The following SORCS2 variants were observed in gnomAD, a reference collection of about 807,000 sequenced individuals.
SORCS2 encodes VPS10 domain-containing receptor SorCS2.
A neutral mutation model predicts 141.6 loss-of-function variants in SORCS2; 100 were observed. The observed-to-expected ratio is 0.71, with a 90% CI of 0.60 to 0.83. The LOEUF (loss-of-function observed/expected upper bound fraction) is 0.83. SORCS2 is among the 40% of genes least tolerant of loss of function. The pLI is 0.00. For synonymous variants in SORCS2, 789 were observed against 676.9 expected, an observed-to-expected ratio of 1.17 and a Z score of -2.57; for missense variants, 1,646 against 1,560.2, an observed-to-expected ratio of 1.05 and a Z score of -0.93.
intron 2 of SORCS2, among the ~76,000 whole-genome samples, chr4:7,509,132 G>A (rs773824118): frequency 2.0e-5 from 3 of 152,216 alleles, no homozygotes; most frequent in Non-Finnish European, 2.9e-5. Context: ...TCAGTTACAC[G>A]TGGCGGAAGA....
intron 2 of SORCS2, among the ~76,000 whole-genome samples, chr4:7,472,639 A>T (rs28589370): frequency 0.019 from 2,850 of 152,234 alleles, 85 homozygotes; most frequent in African/African-American, 0.066. Context: ...CGCTTCTGGG[A>T]AGGACACGGG....
chr4:7,421,712 C>T (rs901276345), intron 2 of SORCS2, among the ~76,000 whole-genome samples: 1 of 152,162 alleles, frequency 6.6e-6, no homozygotes, highest in African/African-American at 2.4e-5. Context: ...GCCCTGGGGT[C>T]TGGAGCCCCC....
intron 1 of SORCS2, among the ~76,000 whole-genome samples, chr4:7,370,092 G>A (rs1008954209): frequency 2.6e-5 from 4 of 152,194 alleles, no homozygotes; most frequent in Non-Finnish European, 4.4e-5. Context: ...AGCTGTTTGC[G>A]GCTCTGCTCC....
At chr4:7,275,668 G>T (rs1296471137) in intron 1 of SORCS2, among the ~76,000 whole-genome samples, 1 of 152,084 alleles carries the variant, frequency 6.6e-6, no homozygotes, top group Non-Finnish European at 1.5e-5. Flanking sequence ...GTGATTTTAT[G>T]CTTCTGTTGT....
intron 1 of SORCS2, among the ~76,000 whole-genome samples, chr4:7,274,918 C>T (rs1313259162): frequency 6.6e-6 from 1 of 152,138 alleles, no homozygotes; most frequent in Admixed American, 6.5e-5. Flanking sequence ...GCTGCAGCGC[C>T]CATGTCTCCA....
At chr4:7,620,086 T>C (rs1208901965) in intron 3 of SORCS2, among the ~76,000 whole-genome samples, 5 of 151,742 alleles carry the variant, frequency 3.3e-5, no homozygotes, top group Non-Finnish European at 7.4e-5. Flanking sequence ...TCTTCCTCCT[T>C]CATCTGCTGG....
chr4:7,539,679 G>GACCCCCGTTATGGAGGCCCCT (rs1712413232), intron 3 of SORCS2, among the ~76,000 whole-genome samples: 1 of 150,912 alleles, frequency 6.6e-6, no homozygotes, highest in Non-Finnish European at 1.5e-5. Flanking sequence ...GCAAGGCCCC[G>GACCCCCGTTATGGAGGCCCCT]ACCCCCGTTA....
intron 2 of SORCS2, among the ~76,000 whole-genome samples, chr4:7,514,138 G>C (rs1012853685): frequency 6.6e-6 from 1 of 152,158 alleles, no homozygotes; most frequent in African/African-American, 2.4e-5. Context: ...TTGGAAGCTG[G>C]AGCCGACAGC....
chr4:7,340,291 C>G (rs375190501), intron 1 of SORCS2, among the ~76,000 whole-genome samples: 10 of 152,360 alleles, frequency 6.6e-5, no homozygotes, highest in African/African-American at 2.4e-4. Flanking sequence ...TGTGGCCATG[C>G]CATTGCACAC....
intron 2 of SORCS2, among the ~76,000 whole-genome samples, chr4:7,524,995 C>G (rs910092045): frequency 6.6e-6 from 1 of 152,234 alleles, no homozygotes; most frequent in African/African-American, 2.4e-5. Flanking sequence ...AGAGCGGGAG[C>G]TTAACTCGGG....
intron 13 of SORCS2, among the ~76,000 whole-genome samples, chr4:7,703,969 C>A (rs1435365991): frequency 6.6e-6 from 1 of 152,236 alleles, no homozygotes; most frequent in Non-Finnish European, 1.5e-5. Context: ...CCAGAAAACA[C>A]CCCCAGGGCA....
intron 4 of SORCS2, 35 bp downstream of exon 4, chr4:7,638,527 G>A: frequency 6.3e-7 from 1 of 1,586,134 alleles, no homozygotes; most frequent in Non-Finnish European, 8.5e-7. Flanking sequence ...CTGGTCTGTG[G>A]GGCTGGGGTC....
chr4:7,301,845 A>T (rs1532665), intron 1 of SORCS2, among the ~76,000 whole-genome samples: 125,067 of 152,264 alleles, frequency 0.82, 52,461 homozygotes, highest in Non-Finnish European at 0.9. Flanking sequence ...GGTTAACACT[A>T]AGGTTCCGTT....
intron 2 of SORCS2, among the ~76,000 whole-genome samples, chr4:7,453,492 G>C (rs1329625823): frequency 7.0e-6 from 1 of 143,386 alleles, no homozygotes; most frequent in East Asian, 2.2e-4. Context: ...CTTGGGGTCA[G>C]GCTCCATGTT....
At chr4:7,676,441 G>A (rs1723117829) in intron 9 of SORCS2, among the ~76,000 whole-genome samples, 1 of 152,170 alleles carries the variant, frequency 6.6e-6, no homozygotes, top group Non-Finnish European at 1.5e-5. Context: ...TTTCCTTCTT[G>A]AGGAAATTCG....
intron 1 of SORCS2, among the ~76,000 whole-genome samples, chr4:7,316,488 G>T (rs145416230): frequency 2.2e-3 from 331 of 152,298 alleles, no homozygotes; most frequent in African/African-American, 7.6e-3. Context: ...TAAGGACTCA[G>T]CATGGTACCC....
At chr4:7,240,275 A>G (rs1712603216) in intron 1 of SORCS2, among the ~76,000 whole-genome samples, 1 of 152,232 alleles carries the variant, frequency 6.6e-6, no homozygotes, top group African/African-American at 2.4e-5. Context: ...CTCCTCCGGA[A>G]GAAGAGAGAA....
rs1277139008 is a variant in SORCS2, at chr4:7,608,778, A to C, written c.649-29550A>C. Among the ~76,000 whole-genome samples, 4 of 147,620 alleles carry C rather than the reference A, an allele frequency of 2.7e-5. No individual in the cohort carries two copies. In the Admixed American group the frequency reaches 2.7e-4, roughly 10 times the overall value. Reference sequence around the variant, plus strand: ...GACATCACATCAACTTGGCTTGCACACCTTCTGTTGTCTGTGGCTCAGCAT... The same window carrying C: ...GACATCACATCAACTTGGCTTGCACCCCTTCTGTTGTCTGTGGCTCAGCAT... On this transcript the variant is annotated intron_variant, in intron 3 of 26. Transcript: ENST00000507866.
intron 1 of SORCS2, among the ~76,000 whole-genome samples, chr4:7,299,522 G>A (rs1717296780): frequency 6.6e-6 from 1 of 152,228 alleles, no homozygotes; most frequent in South Asian, 2.1e-4. Context: ...AAAAAACAAA[G>A]CGAAAGCACC....
Sources: allele counts gnomAD v4.1 joint callset (sites outside exome capture counted in the v4.1 genomes callset), GRCh38; gene constraint gnomAD v4.1.1; transcripts MANE v1.5; gene names NCBI Gene and HGNC (gene_info 2026-07-23, HGNC 2026-07-21).